LRRC3B: variants seen among roughly 807,000 people sequenced by gnomAD.
LRRC3B encodes leucine-rich repeat-containing protein 3B.
Under a neutral mutation model 12.8 loss-of-function variants are expected in LRRC3B, and 2 were observed. The ratio of observed to expected loss-of-function variants is 0.16; its 90% CI spans 0.06 to 0.49. The LOEUF (loss-of-function observed/expected upper bound fraction) is 0.49, where lower values mean the gene tolerates loss of function less well. LRRC3B is among the 20% of genes least tolerant of loss of function. The probability of loss-of-function intolerance (pLI) is 0.96; values close to 1 mark genes in which losing one functional copy is unlikely to be tolerated. For missense variants in LRRC3B, 189 were observed against 319.4 expected (o/e 0.59, Z 3.11); for synonymous variants, 132 against 122.0 (o/e 1.08, Z -0.54).
chr3:26,651,929 T>C (rs1699273197), intron 1 of LRRC3B, among the ~76,000 whole-genome samples: 1 of 152,176 alleles, frequency 6.6e-6, no homozygotes, highest in Admixed American at 6.5e-5. Flanking sequence ...ATAGCCACTT[T>C]ACAGAGGAGA....
chr3:26,707,248 C>T (rs73150453), intron 1 of LRRC3B, among the ~76,000 whole-genome samples: 10,334 of 150,518 alleles, frequency 0.069, 1,193 homozygotes, highest in African/African-American at 0.24. Context: ...GCCTATAGTT[C>T]CAGATACTCG....
At chr3:26,701,566 G>A (rs963082777) in intron 1 of LRRC3B, among the ~76,000 whole-genome samples, 6 of 152,020 alleles carry the variant, frequency 3.9e-5, no homozygotes, top group African/African-American at 1.4e-4. Context: ...TTCCCCTCTA[G>A]TGACCGCATT....
At chr3:26,697,705 A>G (rs1700353686) in intron 1 of LRRC3B, among the ~76,000 whole-genome samples, 1 of 152,176 alleles carries the variant, frequency 6.6e-6, no homozygotes, top group South Asian at 2.1e-4. Flanking sequence ...GCATCAACTC[A>G]GAGTACAAAA....
chr3:26,627,592 G>A (rs1698656146), intron 1 of LRRC3B, among the ~76,000 whole-genome samples: 1 of 152,104 alleles, frequency 6.6e-6, no homozygotes, highest in African/African-American at 2.4e-5. Flanking sequence ...AATGCCCACA[G>A]AGAGCCAACG....
intron 1 of LRRC3B, among the ~76,000 whole-genome samples, chr3:26,628,764 A>G (rs554547596): frequency 8.7e-4 from 133 of 152,024 alleles, no homozygotes; most frequent in African/African-American, 3.0e-3. Context: ...ATAGGCTTGA[A>G]CATACTATTT....
At chr3:26,682,173 G>A (rs1157777685) in intron 1 of LRRC3B, among the ~76,000 whole-genome samples, 10 of 152,114 alleles carry the variant, frequency 6.6e-5, no homozygotes, top group Admixed American at 6.6e-5. Context: ...GCAAAACCGC[G>A]AATAAGAGGG....
chr3:26,662,802 G>T (rs1699520421), intron 1 of LRRC3B, among the ~76,000 whole-genome samples: 3 of 151,984 alleles, frequency 2.0e-5, no homozygotes, highest in Admixed American at 2.0e-4. Flanking sequence ...TCGGGTTAGT[G>T]GTGGGATGAT....
intron 1 of LRRC3B, among the ~76,000 whole-genome samples, chr3:26,667,580 C>A (rs528632900): frequency 6.6e-6 from 1 of 152,252 alleles, no homozygotes; most frequent in East Asian, 1.9e-4. Flanking sequence ...CCTGGAAGGG[C>A]TGGTGAAGCT....
chr3:26,687,627 CA>C (rs1278723220), intron 1 of LRRC3B, among the ~76,000 whole-genome samples: 3 of 152,094 alleles, frequency 2.0e-5, no homozygotes, highest in African/African-American at 7.2e-5. Context: ...GCATGGGGTA[CA>C]AGAATAGCAA....
intron 1 of LRRC3B, among the ~76,000 whole-genome samples, chr3:26,696,373 A>G (rs1169282791): frequency 6.6e-6 from 1 of 152,242 alleles, no homozygotes; most frequent in Non-Finnish European, 1.5e-5. Flanking sequence ...TTTTAAATTA[A>G]TAGCCTACAG....
At chr3:26,663,364 C>G (rs1044768958) in intron 1 of LRRC3B, among the ~76,000 whole-genome samples, 4 of 152,002 alleles carry the variant, frequency 2.6e-5, no homozygotes, top group African/African-American at 9.7e-5. Flanking sequence ...ACTATTTGCT[C>G]TTCTAGTAAA....
chr3:26,645,514 A>C (rs1378931374), intron 1 of LRRC3B, among the ~76,000 whole-genome samples: 1 of 152,152 alleles, frequency 6.6e-6, no homozygotes, highest in Non-Finnish European at 1.5e-5. Flanking sequence ...TTACACAAAG[A>C]ATGGCCTCTG....
At chr3:26,682,584 G>A (rs1194220220) in intron 1 of LRRC3B, among the ~76,000 whole-genome samples, 1 of 152,174 alleles carries the variant, frequency 6.6e-6, no homozygotes, top group Non-Finnish European at 1.5e-5. Flanking sequence ...TCCTGTCATT[G>A]AGATGGGAAA....
intron 1 of LRRC3B, among the ~76,000 whole-genome samples, chr3:26,641,981 G>T (rs1386511189): frequency 6.6e-6 from 1 of 152,096 alleles, no homozygotes; most frequent in Admixed American, 6.5e-5. Flanking sequence ...AAAAAGGTAA[G>T]CCTATCACAT....
chr3:26,658,698 CA>C (rs1429375122), intron 1 of LRRC3B, among the ~76,000 whole-genome samples: 2 of 152,204 alleles, frequency 1.3e-5, no homozygotes, highest in African/African-American at 2.4e-5. Context: ...AAATTGCAAT[CA>C]GGGGAAAGTG....
At chr3:26,680,520 T>TA (rs1699949624) in intron 1 of LRRC3B, among the ~76,000 whole-genome samples, 5 of 152,230 alleles carry the variant, frequency 3.3e-5, no homozygotes, top group African/African-American at 4.8e-5. Context: ...CATCCATTTG[T>TA]GGGTAGGGTA....
At chr3:26,679,509 T>A (rs1699927375) in intron 1 of LRRC3B, among the ~76,000 whole-genome samples, 1 of 152,196 alleles carries the variant, frequency 6.6e-6, no homozygotes, top group African/African-American at 2.4e-5. Context: ...CTCTGTACCT[T>A]TCACTGTCTT....
chr3:26,642,393 G>C (rs1336572926), intron 1 of LRRC3B, among the ~76,000 whole-genome samples: 2 of 152,166 alleles, frequency 1.3e-5, no homozygotes, highest in African/African-American at 4.8e-5. Context: ...ATAGCTTAGG[G>C]GAGAAAGATG....
intron 1 of LRRC3B, among the ~76,000 whole-genome samples, chr3:26,638,284 CAT>C (rs1690965762): frequency 6.6e-6 from 1 of 151,788 alleles, no homozygotes; most frequent in Admixed American, 6.6e-5. Flanking sequence ...TTGTAGAAAA[CAT>C]ATTGTCATAT....
Sources: gnomAD v4.1 joint callset for allele counts (sites outside exome capture counted in the v4.1 genomes callset) on GRCh38, gnomAD v4.1.1 for gene constraint, MANE v1.5 for transcripts, NCBI Gene and HGNC (gene_info 2026-07-23, HGNC 2026-07-21) for gene names.